SLC7A6: variants seen among roughly 807,000 people sequenced by gnomAD.
SLC7A6 encodes Y+L amino acid transporter 2.
SLC7A6 carries 29 observed loss-of-function variants against 46.6 expected under a neutral mutation model. The ratio of observed to expected loss-of-function variants is 0.62; its 90% confidence interval spans 0.46 to 0.85. The LOEUF is 0.85. SLC7A6 is among the 40% of genes least tolerant of loss of function. SLC7A6 has a pLI of 0.00. For synonymous variants in SLC7A6, 276 were observed against 257.3 expected (o/e 1.07, Z -0.70); for missense variants, 527 against 647.6 (o/e 0.81, Z 2.02).
intron 7 of SLC7A6, 99 bp downstream of exon 7, chr16:68,291,760 A>AGGGTGT: frequency 7.7e-6 from 4 of 521,764 alleles, no homozygotes; most frequent in South Asian, 2.1e-5. Flanking sequence ...ATGGGCATAT[A>AGGGTGT]GGGTGTGTGT....
chr16:68,280,859 T>C (rs1402549170), intron 3 of SLC7A6, among the ~76,000 whole-genome samples: 1 of 152,166 alleles, frequency 6.6e-6, no homozygotes, highest in Non-Finnish European at 1.5e-5. Context: ...GTCAGCCTCC[T>C]GAGTGCTGGG....
At position 68,299,710 on chromosome 16, in the gene SLC7A6, G is replaced by A. The variant is rs147547996; in HGVS notation, c.*2382G>A. ...TTCACCCGGTTGCTGTATGAGAATG[G>A]CTTTCAATCCTTTGTTTCTATGCCT... On this transcript the variant is annotated 3_prime_UTR_variant, in exon 11 of 11. Transcript: ENST00000219343. 402 of 152,266 alleles carry A rather than the reference G, an allele frequency of 2.6e-3. 1 individual carries two copies. Among genetic ancestry groups the A allele is most frequent in the African/African-American group, 9.1e-3 (379 of 41,552 alleles). The allele number at this position is 152,266 out of a possible 1,614,324, so 9.4% of individuals were successfully genotyped here.
intron 4 of SLC7A6, 115 bp from the exon 5 acceptor site, chr16:68,290,281 C>A: frequency 2.8e-6 from 3 of 1,072,524 alleles, no homozygotes; most frequent in East Asian, 2.6e-5. Flanking sequence ...TTCATCTTCC[C>A]TTCCTCTTTC....
At position 68,296,445 on chromosome 16, in the gene SLC7A6, G is replaced by A. The variant is rs755043445; in HGVS notation, c.1201G>A (p.Val401Met). The stretch of plus-strand genomic sequence containing the variant: ...CTTCAGCTTCAGCTACTGGTTCTTC[G>A]TGGGCCTGTCTGTTGTTGGACAGCT... ...NYFSFSYWFFVGLSVVGQLYL... is the reference protein window; with the variant it reads ...NYFSFSYWFFMGLSVVGQLYL... The change falls in exon 9 of 11, where the codon GTG becomes ATG. Residue 401 changes from valine to methionine, a missense_variant. Transcript: ENST00000219343. 1.5e-5 allele frequency: 25 copies of A among 1,614,064 alleles called. No homozygotes were observed. Among genetic ancestry groups the A allele is most frequent in the South Asian group, 3.3e-5 (3 of 91,080 alleles).
intron 3 of SLC7A6, among the ~76,000 whole-genome samples, chr16:68,283,593 A>AAAAAGGG (rs2042869660): frequency 3.6e-5 from 1 of 27,898 alleles, no homozygotes; most frequent in Non-Finnish European, 7.8e-5. Flanking sequence ...AAAAGGGAAG[A>AAAAAGGG]ACAGATAGAG....
intron 4 of SLC7A6, among the ~76,000 whole-genome samples, chr16:68,288,767 C>T (rs1019491419): frequency 6.6e-6 from 1 of 151,806 alleles, no homozygotes; most frequent in Non-Finnish European, 1.5e-5. Context: ...AATTCGAGAC[C>T]AGCCTGACCA....
chr16:68,273,927 A>G (rs2042664958), intron 2 of SLC7A6: 1 of 152,062 alleles, frequency 6.6e-6, no homozygotes, highest in Non-Finnish European at 1.5e-5. Flanking sequence ...ACGCCCAGCT[A>G]ATTTTTGTAA....
In SLC7A6 at chr16:68,301,473, T is replaced by G; in HGVS notation, c.*4145T>G. ...TAGGCTACTGCAGGAGCCCCTTCTC[T>G]TCTCAGAAAGGTCTGTTTTTGTTCC... On this transcript the variant is annotated 3_prime_UTR_variant, in exon 11 of 11. Transcript: ENST00000219343. 1 of 1,445,992 alleles carries G rather than the reference T, an allele frequency of 6.9e-7. No individual in the cohort carries two copies. Among genetic ancestry groups the G allele is most frequent in the African/African-American group, 1.4e-5 (1 of 70,884 alleles). 89.6% of individuals were successfully genotyped at this position (1,445,992 alleles called of 1,614,324 possible).
At chr16:68,272,403 T>G (rs2042637680) in intron 2 of SLC7A6, among the ~76,000 whole-genome samples, 1 of 152,198 alleles carries the variant, frequency 6.6e-6, no homozygotes, top group Admixed American at 6.5e-5. Context: ...CACTCCAGCC[T>G]GGGTGACAAA....
chr16:68,277,393 G>A (rs2042732630), intron 3 of SLC7A6, among the ~76,000 whole-genome samples: 1 of 148,962 alleles, frequency 6.7e-6, no homozygotes, highest in African/African-American at 2.5e-5. Context: ...GAATGCAGTG[G>A]CGCTATCTCG....
chr16:68,296,375 A>AC lies in SLC7A6; in HGVS notation c.1132dup (p.Leu378ProfsTer70). ...CCCCTTTCCCACAGTGCACCATGGC[A>AC]CTCATCTACCTCATCGTGGAGGATG... On this transcript the variant is annotated frameshift_variant, in exon 9 of 11. Coordinates refer to ENST00000219343, the MANE Select transcript of SLC7A6 (RefSeq NM_003983.6). LOFTEE classifies it high-confidence loss of function. 6.2e-7 allele frequency: 1 copy of AC among 1,613,746 alleles called. No individual in the cohort carries two copies. Among genetic ancestry groups the AC allele is most frequent in the Non-Finnish European group, 8.5e-7 (1 of 1,179,954 alleles).
Position 68,264,919 on chromosome 16 carries a change from C to T in SLC7A6, c.-166+343C>T, listed in dbSNP as rs563763036. ...CGGGGGTGTGTGTGGAGAGGGAAACCCCAGGTGCGAGGGTGACCGGGACGC... is the reference window on the plus strand; with the variant it reads ...CGGGGGTGTGTGTGGAGAGGGAAACTCCAGGTGCGAGGGTGACCGGGACGC... On this transcript the variant is annotated intron_variant, in intron 1 of 10. Transcript: ENST00000219343. The surrounding 1 kb of genome is among the most constrained non-coding windows in gnomAD (Gnocchi z 5.8). Among the ~76,000 whole-genome samples the T allele has an allele frequency of 6.6e-6, 1 of 152,168 alleles. No individual in the cohort carries two copies. The highest frequency in any genetic ancestry group is 6.5e-5 in the Admixed American group (1 of 15,282).
chr16:68,275,074 A>G lies in SLC7A6; in HGVS notation c.348A>G (p.Leu116=), dbSNP rs2151216818. ...TKSGASYAYI[L]EAFGGFIAFI... ...CGGGAGCCAGCTACGCTTATATTCT[A>G]GAGGCCTTTGGGGGCTTCATTGCCT... The change falls in exon 3 of 11, where the codon CTA becomes CTG. Residue 116 remains leucine (L), a synonymous_variant. Transcript: ENST00000219343. 6.2e-7 allele frequency: 1 copy of G among 1,614,184 alleles called. No individual in the cohort carries two copies. The highest frequency in any genetic ancestry group is 8.5e-7 in the Non-Finnish European group (1 of 1,180,040).
chr16:68,287,640 CT>C (rs1434236388), intron 3 of SLC7A6, 105 bp from the exon 4 acceptor site: 18 of 1,543,130 alleles, frequency 1.2e-5, no homozygotes, highest in Non-Finnish European at 1.6e-5. Context: ...CCATTGGCCC[CT>C]TTGCCTTAGG....
chr16:68,277,168 C>A (rs1022152400), intron 3 of SLC7A6, among the ~76,000 whole-genome samples: 3 of 151,102 alleles, frequency 2.0e-5, no homozygotes. Context: ...CTCACTGCAA[C>A]CTCTGCCTCC....
Position 68,275,264 on chromosome 16 carries a change from A to C in SLC7A6, c.523+15A>C. The stretch of plus-strand genomic sequence containing the variant: ...TGCTTGCATATGTAAGTGGGGGCTG[A>C]GATTGGGAGGATGTTGGGGGGTGGG... On this transcript the variant is annotated intron_variant, in intron 3 of 10. Transcript: ENST00000219343. The C allele has an allele frequency of 7.3e-7, 1 of 1,376,388 alleles. No individual in the cohort carries two copies. 85.3% of individuals were successfully genotyped at this position (1,376,388 alleles called of 1,614,324 possible).
chr16:68,301,550 T>A lies in SLC7A6; in HGVS notation c.*4222T>A. The stretch of plus-strand genomic sequence containing the variant: ...ATAAATAAAAAAGAATATAGAATTC[T>A]TTTTTTTTTAAAGAAGGAATCACTT... On this transcript the variant is annotated 3_prime_UTR_variant, in exon 11 of 11. Coordinates refer to ENST00000219343, the MANE Select transcript of SLC7A6 (RefSeq NM_003983.6). The A allele has an allele frequency of 2.3e-6, 1 of 437,752 alleles. No individual in the cohort carries two copies. The highest frequency in any genetic ancestry group is 3.6e-6 in the Non-Finnish European group (1 of 274,090). The allele number at this position is 437,752 out of a possible 1,614,324, so 27.1% of individuals were successfully genotyped here.
At chr16:68,291,765 G>A in intron 7 of SLC7A6, 104 bp downstream of exon 7, 2 of 531,608 alleles carry the variant, frequency 3.8e-6, no homozygotes. Flanking sequence ...CATATAGGGT[G>A]TGTGTGTGTG....
intron 3 of SLC7A6, among the ~76,000 whole-genome samples, chr16:68,282,867 C>T (rs1167036565): frequency 6.6e-6 from 1 of 152,238 alleles, no homozygotes; most frequent in East Asian, 1.9e-4. Context: ...ATTTGCCCGC[C>T]TCGGCCTCCC....
Sources: allele counts gnomAD v4.1 joint callset (sites outside exome capture counted in the v4.1 genomes callset), GRCh38; gene constraint gnomAD v4.1.1; non-coding constraint Gnocchi (gnomAD v3.1); transcripts MANE v1.5; gene names NCBI Gene and HGNC (gene_info 2026-07-23, HGNC 2026-07-21).